ALCAM: variants seen among roughly 807,000 people sequenced by gnomAD.
ALCAM encodes the protein CD166 antigen.
Under a neutral mutation model 70.9 loss-of-function variants are expected in ALCAM, and 30 were observed. That is an observed-to-expected ratio of 0.42 (90% CI 0.32 to 0.57). ALCAM has a LOEUF of 0.57. Ranked by LOEUF, ALCAM falls within the 20% of genes least tolerant of loss-of-function variation. ALCAM has a pLI of 0.11. For synonymous variants in ALCAM, 249 were observed against 242.5 expected (o/e 1.03, Z -0.25); for missense variants, 591 against 695.1 (o/e 0.85, Z 1.68).
intron 14 of ALCAM, among the ~76,000 whole-genome samples, chr3:105,570,365 G>A (rs144928033): frequency 1.3e-5 from 2 of 152,134 alleles, no homozygotes; most frequent in Admixed American, 6.5e-5. Context: ...ATGTCAATTT[G>A]ATTTTAAAGG....
chr3:105,411,343 A>G (rs1298918382), intron 1 of ALCAM, among the ~76,000 whole-genome samples: 1 of 152,086 alleles, frequency 6.6e-6, no homozygotes, highest in African/African-American at 2.4e-5. Context: ...CCCACTTGGT[A>G]AAAGAAAGTA....
intron 1 of ALCAM, among the ~76,000 whole-genome samples, chr3:105,488,629 G>T (rs1347321616): frequency 6.7e-6 from 1 of 149,206 alleles, no homozygotes; most frequent in Non-Finnish European, 1.5e-5. Flanking sequence ...AGGAAGGAAG[G>T]TAGGAAGGAA....
At chr3:105,478,379 G>T (rs953689268) in intron 1 of ALCAM, among the ~76,000 whole-genome samples, 2 of 152,072 alleles carry the variant, frequency 1.3e-5, no homozygotes, top group African/African-American at 4.8e-5. Context: ...AGAATTTTAT[G>T]CATTGCCTCT....
At chr3:105,396,527 T>A (rs528508827) in intron 1 of ALCAM, among the ~76,000 whole-genome samples, 1 of 152,096 alleles carries the variant, frequency 6.6e-6, no homozygotes, top group South Asian at 2.1e-4. Flanking sequence ...TCCTAAAAGG[T>A]AGAAACAAAG....
At chr3:105,406,678 A>G (rs910956249) in intron 1 of ALCAM, among the ~76,000 whole-genome samples, 1 of 152,218 alleles carries the variant, frequency 6.6e-6, no homozygotes, top group African/African-American at 2.4e-5. Context: ...AGCCGAAGAA[A>G]AGAAATAACT....
chr3:105,412,533 T>A (rs1021937427), intron 1 of ALCAM, among the ~76,000 whole-genome samples: 2 of 152,162 alleles, frequency 1.3e-5, no homozygotes, highest in East Asian at 1.9e-4. Context: ...TTATTAATCT[T>A]GTATTTGCAC....
At chr3:105,458,082 GA>G (rs5851458) in intron 1 of ALCAM, among the ~76,000 whole-genome samples, 219 of 146,942 alleles carry the variant, frequency 1.5e-3, no homozygotes, top group South Asian at 3.6e-3. Flanking sequence ...CACTTCAGGG[GA>G]AAAAAAAAAA....
intron 1 of ALCAM, among the ~76,000 whole-genome samples, chr3:105,451,072 G>A (rs1373294960): frequency 7.8e-6 from 1 of 128,456 alleles, no homozygotes; most frequent in Non-Finnish European, 1.6e-5. Context: ...TAAGAGAGTG[G>A]AAATAAATCC....
At chr3:105,417,082 A>G (rs1392443706) in intron 1 of ALCAM, among the ~76,000 whole-genome samples, 1 of 151,726 alleles carries the variant, frequency 6.6e-6, no homozygotes, top group Non-Finnish European at 1.5e-5. Context: ...CTTTGTACTC[A>G]AGCTTTGGCT....
intron 1 of ALCAM, among the ~76,000 whole-genome samples, chr3:105,499,298 A>C (rs1386422712): frequency 6.6e-6 from 1 of 152,200 alleles, no homozygotes; most frequent in Admixed American, 6.5e-5. Flanking sequence ...AGGTGAGAGG[A>C]GACCAAAACT....
chr3:105,466,963 A>G (rs1434644798), intron 1 of ALCAM, among the ~76,000 whole-genome samples: 1 of 151,418 alleles, frequency 6.6e-6, no homozygotes, highest in Non-Finnish European at 1.5e-5. Context: ...GCAAAATGGC[A>G]TTTTATCAAT....
intron 8 of ALCAM, chr3:105,544,865 A>G (rs1940205956): frequency 4.2e-6 from 1 of 235,714 alleles, no homozygotes; most frequent in Admixed American, 5.4e-5. Context: ...GTCTCTTTAT[A>G]TAATATTTAC....
At chr3:105,373,527 GA>G (rs1008104419) in intron 1 of ALCAM, among the ~76,000 whole-genome samples, 32 of 151,086 alleles carry the variant, frequency 2.1e-4, no homozygotes, top group East Asian at 1.2e-3. Context: ...TGTGAATGAA[GA>G]AAAAAAAACT....
chr3:105,518,560 T>A (rs529011953), intron 1 of ALCAM, among the ~76,000 whole-genome samples: 3 of 152,190 alleles, frequency 2.0e-5, no homozygotes, highest in Admixed American at 6.5e-5. Context: ...TATTTTTATT[T>A]TAACAAAGTT....
intron 1 of ALCAM, among the ~76,000 whole-genome samples, chr3:105,431,366 A>T (rs1380896264): frequency 6.6e-6 from 1 of 152,066 alleles, no homozygotes; most frequent in Non-Finnish European, 1.5e-5. Flanking sequence ...AGTCATCTGG[A>T]GCTAGTAATG....
chr3:105,370,143 G>A (rs532284429), intron 1 of ALCAM, among the ~76,000 whole-genome samples: 2 of 152,134 alleles, frequency 1.3e-5, no homozygotes, highest in African/African-American at 2.4e-5. Flanking sequence ...CACACATAAA[G>A]CTTTCTTCAG....
intron 1 of ALCAM, among the ~76,000 whole-genome samples, chr3:105,498,877 T>C (rs1189555216): frequency 1.3e-5 from 2 of 152,352 alleles, no homozygotes; most frequent in South Asian, 2.1e-4. Flanking sequence ...ATGCCTTTAG[T>C]ATTTTTTCTA....
At position 105,454,712 on chromosome 3, in the gene ALCAM, A is replaced by G. The variant is rs1286609755; in HGVS notation, c.74-65355A>G. Among the ~76,000 whole-genome samples, 3 of 110,568 alleles carry G rather than the reference A, an allele frequency of 2.7e-5. No homozygotes were observed. In the East Asian group the frequency reaches 9.4e-4, roughly 35 times the overall value. 72.5% of individuals were successfully genotyped at this position (110,568 alleles called of 152,430 possible). On this transcript the variant is annotated intron_variant, in intron 1 of 15. Transcript: ENST00000306107. Reference sequence around the variant, plus strand: ...TGAGATGGAGTCTCGCTCTGTCCCCAGGCTGGAGTGCAGTGGCGCGATCTC... The same window carrying G: ...TGAGATGGAGTCTCGCTCTGTCCCCGGGCTGGAGTGCAGTGGCGCGATCTC...
chr3:105,499,193 C>A (rs1938852057), intron 1 of ALCAM, among the ~76,000 whole-genome samples: 1 of 152,034 alleles, frequency 6.6e-6, no homozygotes, highest in Non-Finnish European at 1.5e-5. Context: ...TTTCAAAGCC[C>A]TGTGGAGTGG....
Sources: allele counts gnomAD v4.1 joint callset (sites outside exome capture counted in the v4.1 genomes callset), GRCh38; gene constraint gnomAD v4.1.1; transcripts MANE v1.5; gene names NCBI Gene and HGNC (gene_info 2026-07-23, HGNC 2026-07-21).